PCDH9: variants seen among roughly 807,000 people sequenced by gnomAD.
PCDH9 encodes the protein protocadherin 9, also known as protocadherin-9.
A neutral mutation model predicts 70.6 loss-of-function variants in PCDH9; 24 were observed. That is an observed-to-expected ratio of 0.34 (90% confidence interval 0.25 to 0.48). PCDH9 has a LOEUF of 0.48. PCDH9 is among the 20% of genes least tolerant of loss of function. The pLI, the probability that PCDH9 is intolerant of heterozygous loss-of-function variation, is 0.99. For missense variants in PCDH9, 1,281 were observed against 1,503.6 expected, an observed-to-expected ratio of 0.85 and a Z score of 2.45; for synonymous variants, 562 against 558.5, an observed-to-expected ratio of 1.01 and a Z score of -0.09.
chr13:66,679,765 A>G (rs1347593139), intron 3 of PCDH9, among the ~76,000 whole-genome samples: 1 of 151,874 alleles, frequency 6.6e-6, no homozygotes, highest in Non-Finnish European at 1.5e-5. Flanking sequence ...CTTTCTTTCC[A>G]ATGTTGAAAA....
chr13:67,165,092 G>A (rs557299997), intron 2 of PCDH9, among the ~76,000 whole-genome samples: 3 of 152,030 alleles, frequency 2.0e-5, no homozygotes, highest in African/African-American at 7.2e-5. Flanking sequence ...ATATATAAAA[G>A]AATAAATTAA....
chr13:66,623,687 C>T (rs75333801), intron 4 of PCDH9, among the ~76,000 whole-genome samples: 22 of 152,176 alleles, frequency 1.4e-4, no homozygotes, highest in African/African-American at 4.1e-4. Context: ...TTATGTCCTG[C>T]CTCAGCCTCC....
intron 3 of PCDH9, among the ~76,000 whole-genome samples, chr13:66,733,981 T>C (rs1419273262): frequency 6.6e-6 from 1 of 152,138 alleles, no homozygotes; most frequent in African/African-American, 2.4e-5. Flanking sequence ...AGGGAGATAA[T>C]TCATGCCATA....
At chr13:66,637,923 A>G (rs1482766553) in intron 3 of PCDH9, among the ~76,000 whole-genome samples, 3 of 152,168 alleles carry the variant, frequency 2.0e-5, no homozygotes, top group Non-Finnish European at 4.4e-5. Context: ...CAAAAAAAAA[A>G]AAAAGAAATT....
intron 2 of PCDH9, among the ~76,000 whole-genome samples, chr13:67,089,330 C>A (rs888689319): frequency 6.6e-6 from 1 of 151,884 alleles, no homozygotes; most frequent in African/African-American, 2.4e-5. Context: ...ATTAATAAAA[C>A]CCAAGAAATA....
At chr13:66,456,725 C>T (rs113241699) in intron 4 of PCDH9, among the ~76,000 whole-genome samples, 12 of 152,154 alleles carry the variant, frequency 7.9e-5, no homozygotes, top group African/African-American at 2.9e-4. Context: ...GACTCTTTCC[C>T]CGTTCTTTCT....
In PCDH9 at chr13:66,650,248, T is replaced by C. The variant is rs80312313; in HGVS notation, c.3139-18837A>G. ...TTGCCTGCAATAAACACACGTCACCTATAAAGACACACCTAGACTGAAAAT... is the reference window on the plus strand; with the variant it reads ...TTGCCTGCAATAAACACACGTCACCCATAAAGACACACCTAGACTGAAAAT... On this transcript the variant is annotated intron_variant, in intron 3 of 4. Coordinates refer to ENST00000377865, the MANE Select transcript of PCDH9 (RefSeq NM_203487.3). Among the ~76,000 whole-genome samples the C allele has an allele frequency of 1.4e-3, 211 of 152,062 alleles. 1 individual carries two copies. The highest frequency in any genetic ancestry group is 4.8e-3 in the African/African-American group (200 of 41,538).
At chr13:66,698,660 C>A (rs2078594813) in intron 3 of PCDH9, among the ~76,000 whole-genome samples, 1 of 152,044 alleles carries the variant, frequency 6.6e-6, no homozygotes, top group Non-Finnish European at 1.5e-5. Flanking sequence ...CTCACTACAG[C>A]CTGGACCTCC....
chr13:66,609,063 G>A (rs2077258021), intron 4 of PCDH9, among the ~76,000 whole-genome samples: 1 of 152,108 alleles, frequency 6.6e-6, no homozygotes, highest in Non-Finnish European at 1.5e-5. Flanking sequence ...GCAAACTTTA[G>A]AGGATAATCA....
At chr13:66,765,660 T>C (rs2079703673) in intron 3 of PCDH9, among the ~76,000 whole-genome samples, 1 of 152,140 alleles carries the variant, frequency 6.6e-6, no homozygotes, top group Non-Finnish European at 1.5e-5. Context: ...TTGTTAGGAA[T>C]ACTAAAGGAT....
chr13:66,334,352 C>T (rs1955996243), intron 4 of PCDH9, among the ~76,000 whole-genome samples: 2 of 152,096 alleles, frequency 1.3e-5, no homozygotes, highest in Non-Finnish European at 2.9e-5. Context: ...CTGCAAATGA[C>T]AGGATTTCAT....
At chr13:66,448,576 C>G (rs575754116) in intron 4 of PCDH9, among the ~76,000 whole-genome samples, 4 of 152,254 alleles carry the variant, frequency 2.6e-5, no homozygotes, top group African/African-American at 9.6e-5. Flanking sequence ...ACAGACCTGT[C>G]TTTATAACAT....
chr13:67,012,254 A>C (rs901424310), intron 2 of PCDH9, among the ~76,000 whole-genome samples: 2 of 151,744 alleles, frequency 1.3e-5, no homozygotes. Context: ...GAAATTCAAT[A>C]AATGTAACCT....
chr13:67,228,529 T>TCCTCCAGTCCATGCAC lies in PCDH9; in HGVS notation c.-90_-89insGTGCATGGACTGGAGG. On this transcript the variant is annotated 5_prime_UTR_variant, in exon 2 of 5. It adds an upstream start codon to the 5' untranslated region. Transcript: ENST00000377865. ...CACAAATTGCAAGAGGAAGCGTGCATGGACTGGAGGATGCATTATATCTCA... is the reference window on the plus strand; with the variant it reads ...CACAAATTGCAAGAGGAAGCGTGCATCCTCCAGTCCATGCACGGACTGGAGGATGCATTATATCTCA... The TCCTCCAGTCCATGCAC allele has an allele frequency of 9.3e-7, 1 of 1,077,764 alleles. No individual in the cohort carries two copies. Among genetic ancestry groups the TCCTCCAGTCCATGCAC allele is most frequent in the Non-Finnish European group, 1.3e-6 (1 of 753,408 alleles). The allele number at this position is 1,077,764 out of a possible 1,614,324, so 66.8% of individuals were successfully genotyped here.
chr13:66,683,858 T>A (rs9540868), intron 3 of PCDH9, among the ~76,000 whole-genome samples: 30,632 of 151,994 alleles, frequency 0.2, 3,330 homozygotes, highest in Middle Eastern at 0.31. Context: ...AGCCCTTTTT[T>A]CACACAGTCT....
chr13:66,751,338 G>T (rs1169927760), intron 3 of PCDH9, among the ~76,000 whole-genome samples: 2 of 151,852 alleles, frequency 1.3e-5, no homozygotes. Context: ...ATTGAGCAAG[G>T]GGTCTATAAT....
intron 3 of PCDH9, among the ~76,000 whole-genome samples, chr13:66,646,368 T>C (rs2077771339): frequency 6.6e-6 from 1 of 152,176 alleles, no homozygotes; most frequent in South Asian, 2.1e-4. Context: ...AAATCATACA[T>C]TAAGAAAATT....
intron 4 of PCDH9, among the ~76,000 whole-genome samples, chr13:66,569,323 T>A (rs2076699839): frequency 6.6e-6 from 1 of 151,978 alleles, no homozygotes; most frequent in Admixed American, 6.6e-5. Context: ...CAGCCAAAAG[T>A]GTCATTTTAA....
intron 2 of PCDH9, among the ~76,000 whole-genome samples, chr13:67,099,930 T>A (rs2086397671): frequency 1.3e-5 from 2 of 152,206 alleles, no homozygotes; most frequent in Admixed American, 1.3e-4. Flanking sequence ...TGGGTCCCCA[T>A]GCTCCATGGC....
Sources: allele counts gnomAD v4.1 joint callset (sites outside exome capture counted in the v4.1 genomes callset), GRCh38; gene constraint gnomAD v4.1.1; transcripts MANE v1.5; gene names NCBI Gene and HGNC (gene_info 2026-07-23, HGNC 2026-07-21).